The following SMOC1 variants were observed in gnomAD, a reference collection of about 807,000 sequenced individuals.
SMOC1 encodes SPARC related modular calcium binding 1.
SMOC1 carries 22 observed loss-of-function variants against 56.3 expected under a neutral mutation model. The ratio of observed to expected loss-of-function variants is 0.39; its 90% CI spans 0.28 to 0.56. The LOEUF (loss-of-function observed/expected upper bound fraction) is 0.56, where lower values mean the gene tolerates loss of function less well. Ranked by LOEUF, SMOC1 falls within the 20% of genes least tolerant of loss-of-function variation. The pLI, the probability that SMOC1 is intolerant of heterozygous loss-of-function variation, is 0.61. For synonymous variants in SMOC1, 193 were observed against 215.0 expected (o/e 0.90, Z 0.89); for missense variants, 509 against 565.4 (o/e 0.90, Z 1.01).
intron 1 of SMOC1, among the ~76,000 whole-genome samples, chr14:69,921,253 A>C (rs1461635273): frequency 2.0e-5 from 3 of 152,064 alleles, no homozygotes; most frequent in Non-Finnish European, 4.4e-5. Flanking sequence ...TGGTCATTAC[A>C]TCATGGGCAA....
intron 1 of SMOC1, among the ~76,000 whole-genome samples, chr14:69,933,499 A>G (rs1885219220): frequency 6.6e-6 from 1 of 152,204 alleles, no homozygotes; most frequent in South Asian, 2.1e-4. Context: ...AATTAGAAAG[A>G]AATGAGCTCA....
rs1319995104 is a variant in SMOC1 at position 70,011,552 on chromosome 14, G to T, written c.925G>T (p.Asp309Tyr). 6.2e-7 allele frequency: 1 copy of T among 1,613,992 alleles called. No homozygotes were observed. Residue 309 changes from aspartate (D) to tyrosine (Y), a missense_variant, in exon 9 of 12, where the codon GAC becomes TAC. By Grantham distance (160) the Asp-to-Tyr change is radical. This residue lies in a region of SMOC1 where 176 missense variants were observed against 188.1 expected (regional missense o/e 0.94). Coordinates refer to ENST00000361956, the MANE Select transcript of SMOC1 (RefSeq NM_001034852.3). ...KTTEADDPFK[D>Y]RELPGCPEGK... ...TACAGAGGCGGATGACCCCTTCAAG[G>T]ACAGGGAGCTACCAGGTGGGAGACG... is the stretch of plus-strand genomic sequence containing the variant.
intron 1 of SMOC1, among the ~76,000 whole-genome samples, chr14:69,930,715 G>A (rs148217799): frequency 1.8e-3 from 273 of 152,290 alleles, no homozygotes; most frequent in African/African-American, 6.3e-3. Context: ...TGAGAGCCTG[G>A]CCAGCTAGTG....
chr14:69,958,723 G>A (rs1437098147), intron 3 of SMOC1, among the ~76,000 whole-genome samples: 1 of 152,176 alleles, frequency 6.6e-6, no homozygotes, highest in Non-Finnish European at 1.5e-5. Flanking sequence ...CTAAAAATAT[G>A]TGAAACTATT....
At chr14:69,986,931 C>T (rs967082464) in intron 5 of SMOC1, among the ~76,000 whole-genome samples, 1 of 152,232 alleles carries the variant, frequency 6.6e-6, no homozygotes. Context: ...GGACAGTTCA[C>T]CATCCATTTC....
intron 7 of SMOC1, among the ~76,000 whole-genome samples, chr14:69,998,796 G>C (rs1382182139): frequency 1.3e-5 from 2 of 152,218 alleles, no homozygotes; most frequent in Non-Finnish European, 2.9e-5. Context: ...GCCTCAAGTG[G>C]AGTAGAGAGG....
chr14:69,968,825 A>G (rs927146155), intron 3 of SMOC1, among the ~76,000 whole-genome samples: 2 of 152,228 alleles, frequency 1.3e-5, no homozygotes, highest in Admixed American at 6.5e-5. Context: ...GCTACCAGGC[A>G]TGCTGAATCA....
At chr14:69,913,293 A>G (rs944651094) in intron 1 of SMOC1, among the ~76,000 whole-genome samples, 3 of 152,178 alleles carry the variant, frequency 2.0e-5, no homozygotes, top group South Asian at 2.1e-4. Context: ...CCAGTGTTCT[A>G]TGTACTCTTA....
intron 1 of SMOC1, among the ~76,000 whole-genome samples, chr14:69,916,990 C>T (rs1053558152): frequency 6.6e-6 from 1 of 152,186 alleles, no homozygotes; most frequent in African/African-American, 2.4e-5. Flanking sequence ...TCAGACTGAC[C>T]ATGCATTATA....
At chr14:69,961,695 G>A (rs1883386833) in intron 3 of SMOC1, among the ~76,000 whole-genome samples, 1 of 152,108 alleles carries the variant, frequency 6.6e-6, no homozygotes, top group Non-Finnish European at 1.5e-5. Context: ...TTTTTTGGCT[G>A]TTATAAATAG....
At chr14:70,006,031 G>C (rs912538146) in intron 7 of SMOC1, among the ~76,000 whole-genome samples, 3 of 152,224 alleles carry the variant, frequency 2.0e-5, no homozygotes, top group Non-Finnish European at 4.4e-5. Context: ...TAGGCCCCCT[G>C]TCTTGCATTC....
chr14:70,014,228 G>A (rs953036762), intron 10 of SMOC1, among the ~76,000 whole-genome samples: 10 of 152,194 alleles, frequency 6.6e-5, no homozygotes, highest in African/African-American at 9.7e-5. Flanking sequence ...GCAGCTTAGC[G>A]GGGATACTAG....
At chr14:69,919,274 C>T (rs74562024) in intron 1 of SMOC1, among the ~76,000 whole-genome samples, 14,966 of 152,128 alleles carry the variant, frequency 0.098, 1,042 homozygotes, top group Non-Finnish European at 0.14. Context: ...AGGTATTCCC[C>T]CATGGAGATG....
intron 5 of SMOC1, among the ~76,000 whole-genome samples, chr14:69,982,570 G>T (rs1323790815): frequency 6.6e-6 from 1 of 152,192 alleles, no homozygotes; most frequent in Admixed American, 6.5e-5. Context: ...GCCCTCATAA[G>T]GTGTTAACAC....
chr14:69,880,279 G>C (rs1049416112), intron 1 of SMOC1, among the ~76,000 whole-genome samples: 4 of 152,126 alleles, frequency 2.6e-5, no homozygotes, highest in Non-Finnish European at 5.9e-5. Flanking sequence ...ATCACTGCTC[G>C]TAAAACCCAC....
At chr14:69,888,108 G>T (rs938667097) in intron 1 of SMOC1, among the ~76,000 whole-genome samples, 3 of 152,130 alleles carry the variant, frequency 2.0e-5, no homozygotes, top group Non-Finnish European at 4.4e-5. Flanking sequence ...TCCATGTTTG[G>T]GGAGGACAAA....
intron 10 of SMOC1, among the ~76,000 whole-genome samples, chr14:70,017,730 C>A (rs1014071506): frequency 6.6e-6 from 1 of 152,180 alleles, no homozygotes; most frequent in Non-Finnish European, 1.5e-5. Context: ...GGTTCTGGGG[C>A]ATCTGAAGAA....
chr14:69,938,415 C>T (rs368797288), intron 1 of SMOC1, among the ~76,000 whole-genome samples: 17 of 152,072 alleles, frequency 1.1e-4, no homozygotes, highest in East Asian at 5.8e-4. Flanking sequence ...GGTTAGAAAA[C>T]GAATAGCAGC....
rs1433839089 is a variant in SMOC1, at chr14:70,030,774, T to C, written c.*516T>C. 6.5e-6 allele frequency: 1 copy of C among 154,276 alleles called. No individual in the cohort carries two copies. The highest frequency in any genetic ancestry group is 2.4e-5 in the African/African-American group (1 of 41,428). The allele number at this position is 154,276 out of a possible 1,614,324, so 9.6% of individuals were successfully genotyped here. On this transcript the variant is annotated 3_prime_UTR_variant, in exon 12 of 12. Transcript: ENST00000361956. ...AAACTTCTGTTTGGAGACTGACCCT[T>C]GTGTATAAAGACGGGAGTCCTGCAA... is the stretch of plus-strand genomic sequence containing the variant.
Sources: gnomAD v4.1 joint callset for allele counts (sites outside exome capture counted in the v4.1 genomes callset) on GRCh38, gnomAD v4.1.1 for gene constraint, gnomAD v4.1.1 regional missense constraint, MANE v1.5 for transcripts, NCBI Gene and HGNC (gene_info 2026-07-23, HGNC 2026-07-21) for gene names.